The following MS4A14 variants were observed in gnomAD, a reference collection of about 807,000 sequenced individuals.
MS4A14 encodes membrane spanning 4-domains A14.
MS4A14 carries 18 observed loss-of-function variants against 16.7 expected under a neutral mutation model. The ratio of observed to expected loss-of-function variants is 1.08; its 90% CI spans 0.75 to 1.60. The LOEUF is 1.60. MS4A14 is among the 40% of genes most tolerant of loss of function. The probability of loss-of-function intolerance (pLI) is 0.00; values close to 1 mark genes in which losing one functional copy is unlikely to be tolerated. For synonymous variants in MS4A14, 305 were observed against 289.4 expected (o/e 1.05, Z -0.55); for missense variants, 812 against 775.3 (o/e 1.05, Z -0.56).
chr11:60,398,158 A>G, intron 2 of MS4A14, 178 bp downstream of exon 2: 2 of 544,398 alleles, frequency 3.7e-6, no homozygotes, highest in Admixed American at 3.4e-5. Flanking sequence ...CATCATTGTA[A>G]TAACTACTCT....
At chr11:60,398,600 TC>T (rs1250877313) in intron 2 of MS4A14, among the ~76,000 whole-genome samples, 1 of 152,236 alleles carries the variant, frequency 6.6e-6, no homozygotes, top group Non-Finnish European at 1.5e-5. Flanking sequence ...AGTGTTACTG[TC>T]TGTTTTAGTT....
chr11:60,398,021 A>G, intron 2 of MS4A14, 41 bp downstream of exon 2: 1 of 1,606,358 alleles, frequency 6.2e-7, no homozygotes, highest in Admixed American at 1.7e-5. Flanking sequence ...AATTGCTATA[A>G]AGATAGATTT....
At chr11:60,402,885 T>A (rs202109286) in intron 3 of MS4A14, 27 bp from the exon 4 acceptor site, 61 of 1,598,698 alleles carry the variant, frequency 3.8e-5, no homozygotes, top group Admixed American at 3.3e-4. Context: ...ATCTTATTTA[T>A]TTTATCATTT....
chr11:60,405,972 GAC>G, intron 4 of MS4A14: 1 of 1,524,502 alleles, frequency 6.6e-7, no homozygotes, highest in Non-Finnish European at 8.8e-7. Context: ...GCAAGTGCTG[GAC>G]ACAGTCAGAT....
intron 1 of MS4A14, among the ~76,000 whole-genome samples, chr11:60,397,327 A>G (rs2085641108): frequency 1.3e-5 from 2 of 152,178 alleles, no homozygotes; most frequent in South Asian, 2.1e-4. Flanking sequence ...GATGAAGGGG[A>G]GGTGAAATGC....
In MS4A14 at chr11:60,417,210, G is replaced by A; in HGVS notation, c.*202G>A. 1.7e-6 allele frequency: 1 copy of A among 578,720 alleles called. No homozygotes were observed. The allele number at this position is 578,720 out of a possible 1,614,324, so 35.8% of individuals were successfully genotyped here. On this transcript the variant is annotated 3_prime_UTR_variant, in exon 5 of 5. Coordinates refer to ENST00000300187, the MANE Select transcript of MS4A14 (RefSeq NM_032597.5). ...AAAGACCAACAAGACCTTCAATCCA[G>A]AGTTACACAAAAAGGAGATATGTAC...
intron 2 of MS4A14, among the ~76,000 whole-genome samples, chr11:60,399,637 G>A (rs892160292): frequency 2.0e-5 from 3 of 152,132 alleles, no homozygotes; most frequent in Non-Finnish European, 4.4e-5. Context: ...ATGAGAGGAG[G>A]CTACAAACAC....
chr11:60,397,840 C>A lies in MS4A14; in HGVS notation c.139-12C>A. 6.2e-7 allele frequency: 1 copy of A among 1,611,004 alleles called. No homozygotes were observed. Among genetic ancestry groups the A allele is most frequent in the South Asian group, 1.1e-5 (1 of 90,904 alleles). Reference sequence around the variant, plus strand: ...TACTTGTAACCTCATGTACCCATTTCTCTCCTCACAGGCTACCCAGATCCT... The same window carrying A: ...TACTTGTAACCTCATGTACCCATTTATCTCCTCACAGGCTACCCAGATCCT... On this transcript the variant is annotated splice_polypyrimidine_tract_variant and intron_variant, in intron 1 of 4. Coordinates refer to ENST00000300187, the MANE Select transcript of MS4A14 (RefSeq NM_032597.5).
intron 1 of MS4A14, 107 bp downstream of exon 1, chr11:60,396,823 A>G: frequency 8.3e-7 from 1 of 1,211,166 alleles, no homozygotes. Flanking sequence ...GAGGGAGTTA[A>G]TTCTACTTTT....
chr11:60,413,831 T>A (rs1590820209), intron 4 of MS4A14, among the ~76,000 whole-genome samples: 2 of 152,106 alleles, frequency 1.3e-5, no homozygotes, highest in East Asian at 3.8e-4. Context: ...ATTATTTCAT[T>A]TGGTCTTTAG....
rs2085890423 is a variant in MS4A14 at position 60,413,053 on chromosome 11, C to T, written c.469-2384C>T. Among the ~76,000 whole-genome samples, 3 of 151,756 alleles carry T rather than the reference C, an allele frequency of 2.0e-5. No homozygotes were observed. In the South Asian group the frequency reaches 6.2e-4, roughly 31 times the overall value. ...ATTTTATTATTTACAATGTATAAGCCTTATGCATACTTTGTTAAATGTATC... is the reference window on the plus strand; with the variant it reads ...ATTTTATTATTTACAATGTATAAGCTTTATGCATACTTTGTTAAATGTATC... On this transcript the variant is annotated intron_variant, in intron 4 of 4. Coordinates refer to ENST00000300187, the MANE Select transcript of MS4A14 (RefSeq NM_032597.5).
Position 60,416,396 on chromosome 11 carries a change from A to T in MS4A14, c.1428A>T (p.Glu476Asp), listed in dbSNP as rs897639224. Residue 476 changes from glutamate (E) to aspartate (D), a missense_variant, in exon 5 of 5, where the codon GAA (glutamate) becomes GAT (aspartate). Glu to Asp is a conservative substitution (Grantham distance 45, BLOSUM62 2). Coordinates refer to ENST00000300187, the MANE Select transcript of MS4A14 (RefSeq NM_032597.5). ...EETKEWKSEE[E>D]LHRRKSSRRH... is the part of the protein sequence containing the mutation. ...CCAAAGAATGGAAATCTGAGGAGGAACTCCATAGAAGAAAATCCTCAAGAC... is the reference window on the plus strand; with the variant it reads ...CCAAAGAATGGAAATCTGAGGAGGATCTCCATAGAAGAAAATCCTCAAGAC... The T allele has an allele frequency of 6.2e-7, 1 of 1,613,994 alleles. No homozygotes were observed. Among genetic ancestry groups the T allele is most frequent in the Non-Finnish European group, 8.5e-7 (1 of 1,179,954 alleles).
At chr11:60,406,253 C>T (rs2085784612) in intron 4 of MS4A14, among the ~76,000 whole-genome samples, 2 of 152,030 alleles carry the variant, frequency 1.3e-5, no homozygotes, top group African/African-American at 2.4e-5. Context: ...ATGTCTCTGC[C>T]AAAAATATGT....
At position 60,397,879 on chromosome 11, in the gene MS4A14, ATT is replaced by A. The variant is rs3217518; in HGVS notation, c.167_168del (p.Ile56SerfsTer10). 1,022,817 of 1,612,098 alleles carry A rather than the reference ATT, an allele frequency of 0.63. 326,649 individuals are homozygous for A. Among genetic ancestry groups the A allele is most frequent in the Middle Eastern group, 0.75 (4,523 of 6,052 alleles). ...TACCCAGATCCTGCTTGCTCTAATCATTGTGGGCTTTGGAACTATATTTGCAC... is the reference window on the plus strand; with the variant it reads ...TACCCAGATCCTGCTTGCTCTAATCAGTGGGCTTTGGAACTATATTTGCAC... Reference protein sequence around the residue: ...GATQILLALIIVGFGTIFALN... With the variant: ...GATQILLALIXVGFGTIFALN... On this transcript the variant is annotated frameshift_variant, in exon 2 of 5. Transcript: ENST00000300187. LOFTEE classifies it high-confidence loss of function.
intron 4 of MS4A14, chr11:60,405,897 G>C (rs767866010): frequency 5.9e-6 from 9 of 1,533,832 alleles, no homozygotes; most frequent in Non-Finnish European, 7.9e-6. Flanking sequence ...AGGGAATTTT[G>C]TTAATCTTAC....
Position 60,415,796 on chromosome 11 carries a change from TGAA to T in MS4A14, c.831_833del (p.Glu277del), listed in dbSNP as rs781161963. 1.2e-6 allele frequency: 2 copies of T among 1,613,768 alleles called. No individual in the cohort carries two copies. Among genetic ancestry groups the T allele is most frequent in the East Asian group, 2.2e-5 (1 of 44,890 alleles). On this transcript the variant is annotated inframe_deletion, in exon 5 of 5. Coordinates refer to ENST00000300187, the MANE Select transcript of MS4A14 (RefSeq NM_032597.5). ...ACTCTACATTTAAACAAATGAAAGATGAAGATCTACAATCTGCTATTGTACAAC... is the reference window on the plus strand; with the variant it reads ...ACTCTACATTTAAACAAATGAAAGATGATCTACAATCTGCTATTGTACAAC...
intron 4 of MS4A14, among the ~76,000 whole-genome samples, chr11:60,408,000 A>G (rs7120356): frequency 0.63 from 95,846 of 151,948 alleles, 30,717 homozygotes; most frequent in Middle Eastern, 0.72. Flanking sequence ...CTTTTCCTAC[A>G]GAAGTTTTAT....
chr11:60,399,587 G>T (rs1014100165), intron 2 of MS4A14, among the ~76,000 whole-genome samples: 5 of 152,156 alleles, frequency 3.3e-5, no homozygotes, highest in Non-Finnish European at 5.9e-5. Flanking sequence ...TTTAGAGTGA[G>T]AAATTAATTC....
intron 4 of MS4A14, among the ~76,000 whole-genome samples, chr11:60,413,587 A>C (rs1295256413): frequency 6.6e-6 from 1 of 152,046 alleles, no homozygotes; most frequent in African/African-American, 2.4e-5. Flanking sequence ...AGGAGAGTAC[A>C]AACCCTGTTT....
Sources: allele counts gnomAD v4.1 joint callset (sites outside exome capture counted in the v4.1 genomes callset), GRCh38; gene constraint gnomAD v4.1.1; transcripts MANE v1.5; gene names NCBI Gene and HGNC (gene_info 2026-07-23, HGNC 2026-07-21).